The following ZC3H12B variants were observed in gnomAD, a reference collection of about 807,000 sequenced individuals.
The protein encoded by ZC3H12B is probable ribonuclease ZC3H12B.
ZC3H12B carries 7 observed loss-of-function variants against 43.9 expected under a neutral mutation model. The observed-to-expected ratio is 0.16, with a 90% CI of 0.09 to 0.30. The LOEUF (loss-of-function observed/expected upper bound fraction) is 0.30, where lower values mean the gene tolerates loss of function less well. Ranked by LOEUF, ZC3H12B falls within the 10% of genes least tolerant of loss-of-function variation. The pLI, the probability that ZC3H12B is intolerant of heterozygous loss-of-function variation, is 1.00. For missense variants in ZC3H12B, 475 were observed against 670.2 expected (o/e 0.71, Z 3.22); for synonymous variants, 222 against 241.7 (o/e 0.92, Z 0.76).
At chrX:65,058,464 T>G in the ZC3H12B span, among the ~76,000 whole-genome samples, 1 of 112,160 alleles carries the variant, frequency 8.9e-6, no homozygotes, top group South Asian at 3.7e-4. Flanking sequence ...TAACCAGCCA[T>G]GTGAGGTGTC....
chrX:65,115,006 A>G, the ZC3H12B span, among the ~76,000 whole-genome samples: 2 of 96,391 alleles, frequency 2.1e-5, no homozygotes, highest in Non-Finnish European at 4.0e-5. Flanking sequence ...TTTTGTGGGT[A>G]CATAATAGGT....
the ZC3H12B span, among the ~76,000 whole-genome samples, chrX:65,172,267 A>C: frequency 8.9e-6 from 1 of 112,039 alleles, no homozygotes; most frequent in Non-Finnish European, 1.9e-5. Context: ...TCCTTTGCCT[A>C]CTTTTTGATG....
intron 3 of ZC3H12B, among the ~76,000 whole-genome samples, chrX:65,476,259 T>G (rs1303180661): frequency 8.9e-6 from 1 of 111,871 alleles, no homozygotes; most frequent in African/African-American, 3.3e-5. Context: ...ATTTTTATAC[T>G]ATCTTGTAAG....
At chrX:65,410,455 T>C (rs1469167485) in intron 3 of ZC3H12B, among the ~76,000 whole-genome samples, 1 of 111,089 alleles carries the variant, frequency 9.0e-6, no homozygotes, top group Non-Finnish European at 1.9e-5. Flanking sequence ...AAAGCAAAAA[T>C]AGACAAATGA....
At chrX:65,466,151 C>T (rs1481665808) in intron 3 of ZC3H12B, among the ~76,000 whole-genome samples, 1 of 110,524 alleles carries the variant, frequency 9.0e-6, no homozygotes, top group African/African-American at 3.3e-5. Context: ...GACAGACATC[C>T]TCCCACATCT....
chrX:65,454,123 G>A (rs1295008468), intron 3 of ZC3H12B, among the ~76,000 whole-genome samples: 1 of 112,585 alleles, frequency 8.9e-6, no homozygotes, highest in Non-Finnish European at 1.9e-5. Context: ...ATCTCACTGG[G>A]GATTGTCAGA....
the ZC3H12B span, among the ~76,000 whole-genome samples, chrX:65,187,933 C>A: frequency 1.8e-5 from 2 of 110,958 alleles, no homozygotes; most frequent in African/African-American, 6.6e-5. Context: ...ATGCATTAAT[C>A]ATCCCTAACC....
chrX:65,125,936 A>T, the ZC3H12B span, among the ~76,000 whole-genome samples: 2 of 110,429 alleles, frequency 1.8e-5, no homozygotes, highest in Non-Finnish European at 3.8e-5. Context: ...CATTCTATGT[A>T]TTTTAAATGG....
chrX:65,149,221 G>A, the ZC3H12B span, among the ~76,000 whole-genome samples: 59 of 111,352 alleles, frequency 5.3e-4, no homozygotes, highest in African/African-American at 1.8e-3. Flanking sequence ...GCTTTACCAA[G>A]CCCACATAAT....
At chrX:65,211,088 G>GAAAAAAA in the ZC3H12B span, among the ~76,000 whole-genome samples, 9 of 63,358 alleles carry the variant, frequency 1.4e-4, no homozygotes, top group African/African-American at 5.0e-4. Context: ...AAAAAAGAAA[G>GAAAAAAA]AAAAAAAAAA....
chrX:65,225,830 G>C, the ZC3H12B span, among the ~76,000 whole-genome samples: 2 of 111,639 alleles, frequency 1.8e-5, no homozygotes, highest in Admixed American at 1.9e-4. Flanking sequence ...AGAGAAAAAA[G>C]AACAAAAAGA....
At chrX:65,497,260 C>T in exon 2 of ZC3H12B, 2 of 1,207,079 alleles carry the variant, frequency 1.7e-6, no homozygotes, top group East Asian at 3.0e-5. Flanking sequence ...CGCCCTGATG[C>T]ACCAATTACA....
chrX:65,364,510 A>C (rs778424159), upstream of ZC3H12B, among the ~76,000 whole-genome samples: 6 of 110,631 alleles, frequency 5.4e-5, no homozygotes, highest in Non-Finnish European at 9.4e-5. Context: ...TGTAGCTAAA[A>C]AAGCAGCTAG....
the ZC3H12B span, among the ~76,000 whole-genome samples, chrX:65,230,348 C>T: frequency 1.7e-4 from 18 of 106,853 alleles, no homozygotes; most frequent in East Asian, 8.8e-4. Flanking sequence ...CTCACATGGA[C>T]GCAGGAAGGG....
the ZC3H12B span, among the ~76,000 whole-genome samples, chrX:65,075,357 T>G: frequency 2.8e-4 from 32 of 112,513 alleles, no homozygotes; most frequent in African/African-American, 1.0e-3. Context: ...AACATACACT[T>G]TACTCTTCTG....
chrX:65,060,835 T>G, the ZC3H12B span, among the ~76,000 whole-genome samples: 1 of 111,538 alleles, frequency 9.0e-6, no homozygotes, highest in African/African-American at 3.3e-5. Context: ...TTATGTAGGA[T>G]TGGTTATTTG....
At chrX:65,412,671 C>A (rs2066917215) in intron 3 of ZC3H12B, among the ~76,000 whole-genome samples, 1 of 110,886 alleles carries the variant, frequency 9.0e-6, no homozygotes, top group Non-Finnish European at 1.9e-5. Flanking sequence ...TTTCACCATG[C>A]TACCCAGGCT....
intron 3 of ZC3H12B, among the ~76,000 whole-genome samples, chrX:65,452,705 G>C (rs758677200): frequency 6.0e-4 from 67 of 111,066 alleles, no homozygotes; most frequent in African/African-American, 2.1e-3. Flanking sequence ...GCCAGGCGTA[G>C]TGGTAGGTGC....
At chrX:65,170,161 G>A in the ZC3H12B span, among the ~76,000 whole-genome samples, 12 of 111,835 alleles carry the variant, frequency 1.1e-4, no homozygotes, top group South Asian at 1.5e-3. Context: ...TGTTTTTGCC[G>A]TGGCTGGTAC....
Sources: allele counts gnomAD v4.1 joint callset (sites outside exome capture counted in the v4.1 genomes callset), GRCh38; gene constraint gnomAD v4.1.1; transcripts MANE v1.5; gene names NCBI Gene and HGNC (gene_info 2026-07-23, HGNC 2026-07-21).